HPSE2: variants seen among roughly 807,000 people sequenced by gnomAD.
HPSE2 encodes inactive heparanase-2.
A neutral mutation model predicts 60.5 loss-of-function variants in HPSE2; 38 were observed. The ratio of observed to expected loss-of-function variants is 0.63; its 90% CI spans 0.48 to 0.82. The LOEUF is 0.82. Among genes scored for constraint, HPSE2 ranks in the 40% least tolerant of loss-of-function variants. HPSE2 has a pLI of 0.00. For missense variants in HPSE2, 713 were observed against 740.4 expected, an observed-to-expected ratio of 0.96 and a Z score of 0.43; for synonymous variants, 295 against 293.2, an observed-to-expected ratio of 1.01 and a Z score of -0.06.
At chr10:98,615,572 G>A (rs753937299) in intron 8 of HPSE2, among the ~76,000 whole-genome samples, 8 of 152,168 alleles carry the variant, frequency 5.3e-5, no homozygotes, top group East Asian at 1.9e-4. Context: ...GGCACTATAA[G>A]TAACTATTCA....
chr10:99,256,453 G>A, the HPSE2 span, among the ~76,000 whole-genome samples: 43 of 146,870 alleles, frequency 2.9e-4, no homozygotes, highest in African/African-American at 7.6e-4. Context: ...ACTTCCCAGC[G>A]TCTCGAACCT....
In HPSE2 at chr10:98,807,232, T is replaced by C. The variant is rs1372031757; in HGVS notation, c.611-63176A>G. Reference sequence around the variant, plus strand: ...TTCAAAATTCTGCCATTCTTTTTTATATGTGGCAAAACATACATAAATATA... The same window carrying C: ...TTCAAAATTCTGCCATTCTTTTTTACATGTGGCAAAACATACATAAATATA... On this transcript the variant is annotated intron_variant, in intron 3 of 11. Transcript: ENST00000370552. Among the ~76,000 whole-genome samples the C allele has an allele frequency of 2.0e-5, 3 of 152,368 alleles. No homozygotes were observed. The East Asian group carries it at 5.8e-4, about 29-fold the overall frequency.
At position 99,100,487 on chromosome 10, in the gene HPSE2, C is replaced by T. The variant is rs140482332; in HGVS notation, c.610+43751G>A. On this transcript the variant is annotated intron_variant, in intron 3 of 11. Coordinates refer to ENST00000370552, the MANE Select transcript of HPSE2 (RefSeq NM_021828.5). ...AATAAAACCTCCAAGAAATAGGGGA[C>T]TATGTGAAAAGACCAAATCTACATC... is the stretch of plus-strand genomic sequence containing the variant. 9.1e-3 allele frequency among the ~76,000 whole-genome samples: 1,386 copies of T among 152,266 alleles called. 15 individuals carry two copies. The highest frequency in any genetic ancestry group is 0.031 in the African/African-American group (1,292 of 41,536).
intron 3 of HPSE2, among the ~76,000 whole-genome samples, chr10:98,865,880 C>G (rs1232678528): frequency 6.6e-6 from 1 of 152,048 alleles, no homozygotes; most frequent in Non-Finnish European, 1.5e-5. Flanking sequence ...CCAGCCCTTC[C>G]TAACAAATCA....
At chr10:99,279,396 T>C in the HPSE2 span, among the ~76,000 whole-genome samples, 5 of 152,304 alleles carry the variant, frequency 3.3e-5, no homozygotes, top group East Asian at 1.9e-4. Flanking sequence ...AAAGAGTTCA[T>C]AGTTCTCAAT....
chr10:98,597,888 T>G (rs1236188902), intron 9 of HPSE2, among the ~76,000 whole-genome samples: 8 of 147,102 alleles, frequency 5.4e-5, no homozygotes, highest in African/African-American at 7.7e-5. Flanking sequence ...GGAGAATTGC[T>G]TCAACCCAGG....
chr10:98,770,830 T>C (rs907368047), intron 3 of HPSE2, among the ~76,000 whole-genome samples: 1 of 152,070 alleles, frequency 6.6e-6, no homozygotes, highest in Admixed American at 6.6e-5. Flanking sequence ...GGGAATACGA[T>C]GGGGATTTGT....
chr10:98,678,692 T>C (rs547415315), intron 6 of HPSE2, among the ~76,000 whole-genome samples: 2 of 152,038 alleles, frequency 1.3e-5, no homozygotes, highest in African/African-American at 4.8e-5. Context: ...TTCTTAAAAA[T>C]TTTTTTGGTC....
At chr10:98,479,942 T>C (rs1941169678) in intron 11 of HPSE2, among the ~76,000 whole-genome samples, 1 of 152,200 alleles carries the variant, frequency 6.6e-6, no homozygotes, top group Non-Finnish European at 1.5e-5. Flanking sequence ...AGATAAATGG[T>C]AGCATCTGAA....
chr10:99,155,988 T>C (rs1303885404), intron 2 of HPSE2, among the ~76,000 whole-genome samples: 1 of 151,264 alleles, frequency 6.6e-6, no homozygotes, highest in Non-Finnish European at 1.5e-5. Flanking sequence ...GCAAATAAAC[T>C]AGAAAATCTA....
At chr10:99,185,120 T>C (rs924592369) in intron 2 of HPSE2, among the ~76,000 whole-genome samples, 1 of 151,416 alleles carries the variant, frequency 6.6e-6, no homozygotes, top group Non-Finnish European at 1.5e-5. Flanking sequence ...GCCTACATGG[T>C]GAAGCCCTGT....
chr10:99,153,256 C>G (rs1462794093), intron 2 of HPSE2, among the ~76,000 whole-genome samples: 12 of 151,416 alleles, frequency 7.9e-5, no homozygotes, highest in South Asian at 2.1e-4. Flanking sequence ...CACCACAGCT[C>G]AAGGAGACCT....
At chr10:98,801,189 A>G (rs1950898395) in intron 3 of HPSE2, among the ~76,000 whole-genome samples, 1 of 152,314 alleles carries the variant, frequency 6.6e-6, no homozygotes, top group Non-Finnish European at 1.5e-5. Context: ...TCAAATAACT[A>G]GGTACTGAAG....
intron 6 of HPSE2, among the ~76,000 whole-genome samples, chr10:98,650,657 C>T (rs1018067095): frequency 6.6e-5 from 10 of 152,124 alleles, no homozygotes; most frequent in Non-Finnish European, 1.3e-4. Flanking sequence ...TTTAGACATA[C>T]TGAGCCTGGT....
intron 9 of HPSE2, among the ~76,000 whole-genome samples, chr10:98,566,497 T>C (rs1944349525): frequency 1.3e-5 from 2 of 152,172 alleles, no homozygotes; most frequent in Admixed American, 1.3e-4. Context: ...TTATGTAAGT[T>C]CCTTACCTGT....
intron 3 of HPSE2, among the ~76,000 whole-genome samples, chr10:98,796,305 G>A (rs1950778199): frequency 6.6e-6 from 1 of 152,154 alleles, no homozygotes; most frequent in Non-Finnish European, 1.5e-5. Context: ...TCCCTGAAGA[G>A]TTAGTCCCAG....
intron 3 of HPSE2, among the ~76,000 whole-genome samples, chr10:98,843,968 T>A (rs1026733906): frequency 4.6e-5 from 7 of 152,230 alleles, no homozygotes; most frequent in African/African-American, 1.7e-4. Flanking sequence ...CTGATTCTCT[T>A]TCATTCCTAG....
intron 7 of HPSE2, among the ~76,000 whole-genome samples, chr10:98,639,720 T>C (rs1946589443): frequency 6.6e-6 from 1 of 152,142 alleles, no homozygotes; most frequent in African/African-American, 2.4e-5. Flanking sequence ...TAATGGGAAG[T>C]GGGGATAAAG....
chr10:98,996,870 G>GT (rs1956651857), intron 3 of HPSE2, among the ~76,000 whole-genome samples: 1 of 152,154 alleles, frequency 6.6e-6, no homozygotes, highest in Non-Finnish European at 1.5e-5. Context: ...TTGGGACTAA[G>GT]TAAGTGCTGA....
Sources: allele counts gnomAD v4.1 joint callset (sites outside exome capture counted in the v4.1 genomes callset), GRCh38; gene constraint gnomAD v4.1.1; transcripts MANE v1.5; gene names NCBI Gene and HGNC (gene_info 2026-07-23, HGNC 2026-07-21).